Variants in LDAH observed in about 807,000 individuals in gnomAD.
LDAH encodes lipid droplet-associated hydrolase.
In LDAH, 26 loss-of-function variants were observed where a neutral mutation model predicts 29.6. The ratio of observed to expected loss-of-function variants is 0.88; its 90% CI spans 0.64 to 1.22. The LOEUF (loss-of-function observed/expected upper bound fraction) is 1.22. LDAH is among the 50% of genes most tolerant of loss of function. The probability of loss-of-function intolerance (pLI) is 0.00; values close to 1 mark genes in which losing one functional copy is unlikely to be tolerated. For missense variants in LDAH, 344 were observed against 387.3 expected, an observed-to-expected ratio of 0.89 and a Z score of 0.94; for synonymous variants, 117 against 133.0, an observed-to-expected ratio of 0.88 and a Z score of 0.83.
intron 1 of LDAH, among the ~76,000 whole-genome samples, chr2:20,818,273 C>T (rs1672993712): frequency 6.6e-6 from 1 of 151,910 alleles, no homozygotes; most frequent in Non-Finnish European, 1.5e-5. Flanking sequence ...TCTCTCAAAA[C>T]AAAAAGGTTT....
intron 6 of LDAH, among the ~76,000 whole-genome samples, chr2:20,689,890 G>C (rs1272541162): frequency 1.3e-5 from 2 of 152,168 alleles, no homozygotes; most frequent in Non-Finnish European, 2.9e-5. Context: ...TCCAGTACAA[G>C]CTACAGTGTG....
At chr2:20,691,152 G>A (rs775017952) in intron 6 of LDAH, among the ~76,000 whole-genome samples, 5 of 152,136 alleles carry the variant, frequency 3.3e-5, no homozygotes, top group Non-Finnish European at 7.4e-5. Flanking sequence ...GTTGTCAACA[G>A]GAGCTAACAC....
chr2:20,682,851 C>T (rs1426654252), downstream of LDAH, among the ~76,000 whole-genome samples: 3 of 152,148 alleles, frequency 2.0e-5, no homozygotes, highest in Non-Finnish European at 4.4e-5. Context: ...CAAGGCACCT[C>T]AGTGGTAATC....
intron 4 of LDAH, among the ~76,000 whole-genome samples, chr2:20,769,713 A>C (rs1292953245): frequency 6.6e-6 from 1 of 152,184 alleles, no homozygotes. Flanking sequence ...TGAGTACTTA[A>C]AATGCCCCAA....
intron 5 of LDAH, among the ~76,000 whole-genome samples, chr2:20,721,273 C>T (rs996621056): frequency 1.4e-4 from 21 of 152,076 alleles, no homozygotes; most frequent in African/African-American, 4.8e-4. Flanking sequence ...ACTCAAACAA[C>T]TCAATAGCAT....
intron 6 of LDAH, among the ~76,000 whole-genome samples, chr2:20,690,882 CGTT>C (rs34238334): frequency 0.1 from 15,061 of 151,230 alleles, 825 homozygotes; most frequent in Middle Eastern, 0.17. Flanking sequence ...TGTATTATCT[CGTT>C]GTATCCTCAC....
At chr2:20,733,143 ACATTTT>A (rs1666524893) in intron 5 of LDAH, among the ~76,000 whole-genome samples, 1 of 151,422 alleles carries the variant, frequency 6.6e-6, no homozygotes, top group Non-Finnish European at 1.5e-5. Context: ...ACACCAGCAT[ACATTTT>A]TGTCTCATCA....
chr2:20,762,506 T>C (rs934329291), intron 4 of LDAH, among the ~76,000 whole-genome samples: 3 of 152,170 alleles, frequency 2.0e-5, no homozygotes, highest in African/African-American at 7.2e-5. Flanking sequence ...ACAACTTTTC[T>C]TTTAGACTAT....
chr2:20,822,953 G>A (rs1673442239), intron 1 of LDAH, 84 bp downstream of exon 1: 1 of 152,376 alleles, frequency 6.6e-6, no homozygotes, highest in Non-Finnish European at 1.5e-5. Flanking sequence ...GAACCATAGA[G>A]AAGAAGGGGC....
intron 3 of LDAH, among the ~76,000 whole-genome samples, chr2:20,784,271 T>G (rs1572624615): frequency 6.6e-6 from 1 of 152,036 alleles, no homozygotes; most frequent in Non-Finnish European, 1.5e-5. Context: ...CCAGGCATGC[T>G]GGCACACACT....
rs771637081 is a variant in LDAH at position 20,774,760 on chromosome 2, G to A, written c.468+50C>T. 1.0e-5 allele frequency: 16 copies of A among 1,563,508 alleles called. No individual in the cohort carries two copies. The South Asian group carries it at 1.8e-4, about 18-fold the overall frequency. ...AACATAGGAAAGGTGAGGAGGATTT[G>A]TGCAGGCACACAGTCCAGCACCCAC... On this transcript the variant is annotated intron_variant, in intron 4 of 6. Transcript: ENST00000237822.
chr2:20,685,479 C>T lies in LDAH; in HGVS notation c.*1424G>A, dbSNP rs1572389290. The T allele has an allele frequency of 6.6e-7, 1 of 1,522,342 alleles. No individual in the cohort carries two copies. The highest frequency in any genetic ancestry group is 2.5e-5 in the East Asian group (1 of 40,630). 94.3% of individuals were successfully genotyped at this position (1,522,342 alleles called of 1,614,324 possible). The stretch of plus-strand genomic sequence containing the variant: ...CTCCTTGTCTGGAGCTTGGCTTTTC[C>T]CCTCTGAGAAGTCACTTGCTGTGAT... On this transcript the variant is annotated 3_prime_UTR_variant, in exon 7 of 7. Coordinates refer to ENST00000237822, the MANE Select transcript of LDAH (RefSeq NM_021925.4).
At chr2:20,814,447 T>C (rs1294696930) in intron 1 of LDAH, among the ~76,000 whole-genome samples, 1 of 152,142 alleles carries the variant, frequency 6.6e-6, no homozygotes, top group East Asian at 1.9e-4. Flanking sequence ...AAAGAACTTT[T>C]TGATTTTTTA....
At chr2:20,760,376 ATAAATTAC>A (rs1468839020) in intron 4 of LDAH, among the ~76,000 whole-genome samples, 4 of 152,228 alleles carry the variant, frequency 2.6e-5, no homozygotes, top group Non-Finnish European at 5.9e-5. Context: ...TTGCTATGTA[ATAAATTAC>A]TAAAACTTTG....
chr2:20,799,574 T>C (rs895072475), intron 2 of LDAH, among the ~76,000 whole-genome samples: 3 of 152,162 alleles, frequency 2.0e-5, no homozygotes, highest in Non-Finnish European at 4.4e-5. Context: ...CTGCCGACTA[T>C]GCCAATTCTG....
intron 4 of LDAH, among the ~76,000 whole-genome samples, chr2:20,767,340 G>A (rs1468098767): frequency 6.6e-6 from 1 of 152,212 alleles, no homozygotes; most frequent in African/African-American, 2.4e-5. Flanking sequence ...TCCACTCCAT[G>A]ACCTCTCCCT....
At chr2:20,755,377 C>G (rs1353788300) in intron 4 of LDAH, among the ~76,000 whole-genome samples, 1 of 152,204 alleles carries the variant, frequency 6.6e-6, no homozygotes, top group Non-Finnish European at 1.5e-5. Flanking sequence ...TCTTGCTCCA[C>G]TCTTTATATC....
chr2:20,779,525 AAT>A (rs1243299628), intron 3 of LDAH, among the ~76,000 whole-genome samples: 1 of 152,056 alleles, frequency 6.6e-6, no homozygotes, highest in African/African-American at 2.4e-5. Context: ...TACACAAAAA[AAT>A]AATATGTTGT....
intron 5 of LDAH, among the ~76,000 whole-genome samples, chr2:20,727,600 C>A (rs1483601948): frequency 6.6e-6 from 1 of 152,062 alleles, no homozygotes; most frequent in Non-Finnish European, 1.5e-5. Context: ...GCCTAACTAA[C>A]GAAAAGACCC....
Sources: allele counts gnomAD v4.1 joint callset (sites outside exome capture counted in the v4.1 genomes callset), GRCh38; gene constraint gnomAD v4.1.1; transcripts MANE v1.5; gene names NCBI Gene and HGNC (gene_info 2026-07-23, HGNC 2026-07-21).